The following NREP variants were observed in gnomAD, a reference collection of about 807,000 sequenced individuals.
NREP encodes neuronal regeneration-related protein.
Under a neutral mutation model 8.6 loss-of-function variants are expected in NREP, and 5 were observed. That is an observed-to-expected ratio of 0.58 (90% CI 0.30 to 1.22). The LOEUF (loss-of-function observed/expected upper bound fraction) is 1.22, where lower values mean the gene tolerates loss of function less well. Ranked by LOEUF, NREP falls within the 50% of genes most tolerant of loss-of-function variation. The pLI is 0.07. For missense variants in NREP, 86 were observed against 82.5 expected (o/e 1.04, Z -0.17); for synonymous variants, 27 against 28.0 (o/e 0.96, Z 0.11).
chr5:111,846,050 C>G (rs1299956976), intron 2 of NREP: 3 of 155,762 alleles, frequency 1.9e-5, no homozygotes, highest in Non-Finnish European at 2.8e-5. Flanking sequence ...GTCAATATCC[C>G]ACGATTTTCT....
At chr5:111,936,908 A>G (rs576123962) in intron 2 of NREP, among the ~76,000 whole-genome samples, 1 of 152,162 alleles carries the variant, frequency 6.6e-6, no homozygotes, top group Non-Finnish European at 1.5e-5. Context: ...GCAAGAACCG[A>G]ATTATTCTCA....
At chr5:111,794,641 TA>T (rs988458340) in intron 2 of NREP, among the ~76,000 whole-genome samples, 42 of 151,912 alleles carry the variant, frequency 2.8e-4, no homozygotes, top group Admixed American at 2.3e-3. Context: ...ATGGAAACAA[TA>T]AAAAAAATCA....
At chr5:111,883,786 A>G (rs1197170733) in intron 2 of NREP, among the ~76,000 whole-genome samples, 5 of 152,326 alleles carry the variant, frequency 3.3e-5, no homozygotes, top group African/African-American at 1.2e-4. Flanking sequence ...GAGAACAAAG[A>G]CACAACATAC....
In NREP at chr5:111,895,916, G is replaced by T. The variant is rs189967387; in HGVS notation, c.135+79358C>A. 2.0e-5 allele frequency among the ~76,000 whole-genome samples: 3 copies of T among 152,276 alleles called. No individual in the cohort carries two copies. The East Asian group carries it at 5.8e-4, about 29-fold the overall frequency. ...TCATGGCATAGGCAGCAGCCAATTG[G>T]AATGTATGCTGTCTGAAAACGATTG... On this transcript the variant is annotated intron_variant, in intron 2 of 3. Transcript: ENST00000395634.
chr5:111,766,594 AT>A (rs2112868463), intron 2 of NREP, among the ~76,000 whole-genome samples: 1 of 152,306 alleles, frequency 6.6e-6, no homozygotes, highest in African/African-American at 2.4e-5. Flanking sequence ...CTTCAGATGG[AT>A]ATCCAAAAAT....
chr5:111,866,465 T>A (rs1753666441), intron 2 of NREP, among the ~76,000 whole-genome samples: 1 of 152,182 alleles, frequency 6.6e-6, no homozygotes, highest in Admixed American at 6.5e-5. Context: ...TCACACCAGT[T>A]AGAATGCCGA....
At chr5:111,966,265 G>T (rs11241146) in intron 2 of NREP, among the ~76,000 whole-genome samples, 55,370 of 152,028 alleles carry the variant, frequency 0.36, 10,523 homozygotes, top group South Asian at 0.56. Context: ...TGCAGATTGT[G>T]AAAGACCAGA....
upstream of NREP, among the ~76,000 whole-genome samples, chr5:111,761,225 A>G (rs1003868018): frequency 2.0e-5 from 3 of 152,232 alleles, no homozygotes; most frequent in African/African-American, 7.2e-5. Flanking sequence ...AGACTGCTTT[A>G]TAGAACAAAA....
chr5:111,943,012 C>T, intron 2 of NREP, among the ~76,000 whole-genome samples: 1 of 151,778 alleles, frequency 6.6e-6, no homozygotes, highest in East Asian at 1.9e-4. Context: ...ATCCTCTCCC[C>T]TTTCTCCCCT....
chr5:111,874,883 T>C (rs2112502575), intron 2 of NREP, among the ~76,000 whole-genome samples: 1 of 152,336 alleles, frequency 6.6e-6, no homozygotes, highest in East Asian at 1.9e-4. Flanking sequence ...AACACAATGA[T>C]GTCCCTCTAC....
chr5:111,840,077 CAT>C (rs1752990364), intron 2 of NREP, among the ~76,000 whole-genome samples: 1 of 151,980 alleles, frequency 6.6e-6, no homozygotes, highest in African/African-American at 2.4e-5. Context: ...AGTATAATGA[CAT>C]AAGTTATTTA....
chr5:111,885,271 A>AT (rs1269305827), intron 2 of NREP, among the ~76,000 whole-genome samples: 7 of 151,620 alleles, frequency 4.6e-5, no homozygotes, highest in Non-Finnish European at 1.0e-4. Context: ...CTTACAAGGG[A>AT]TGTGAAGGAC....
rs758152700 is a variant in NREP at position 111,809,868 on chromosome 5, GGCGT to G, written c.136-74365_136-74362del. On this transcript the variant is annotated intron_variant, in intron 2 of 3. Coordinates refer to the NREP transcript ENST00000395634. The stretch of plus-strand genomic sequence containing the variant: ...TTACCACCTCATTGACTGGGACTTT[GGCGT>G]GTGTGTGTGTGTGTGTGTGTGTGTG... Among the ~76,000 whole-genome samples, 16 of 102,638 alleles carry G rather than the reference GGCGT, an allele frequency of 1.6e-4. No individual in the cohort carries two copies. The Admixed American group carries it at 1.7e-3, about 11-fold the overall frequency. 67.3% of individuals were successfully genotyped at this position (102,638 alleles called of 152,430 possible).
At chr5:111,963,213 C>T (rs561146508) in intron 2 of NREP, among the ~76,000 whole-genome samples, 1 of 152,348 alleles carries the variant, frequency 6.6e-6, no homozygotes, top group South Asian at 2.1e-4. Flanking sequence ...GAGCCTGCTC[C>T]TGCCAGCGCC....
intron 2 of NREP, among the ~76,000 whole-genome samples, chr5:111,778,273 G>A (rs1406117795): frequency 6.6e-6 from 1 of 152,084 alleles, no homozygotes; most frequent in Admixed American, 6.6e-5. Context: ...TGCTACAAGT[G>A]GTCTGAGATT....
chr5:111,867,150 A>C (rs995542197), intron 2 of NREP, among the ~76,000 whole-genome samples: 20 of 152,188 alleles, frequency 1.3e-4, no homozygotes, highest in African/African-American at 4.8e-4. Context: ...TAAAAAAAAA[A>C]AAAAGAAGGT....
chr5:111,827,761 T>A (rs1322969402), intron 2 of NREP, among the ~76,000 whole-genome samples: 2 of 151,978 alleles, frequency 1.3e-5, no homozygotes, highest in African/African-American at 4.8e-5. Flanking sequence ...AAGAATTGCT[T>A]GAACCTGGAA....
At chr5:111,919,869 G>GAGAGAGAAAGAAAGAA (rs1400988710) in intron 2 of NREP, among the ~76,000 whole-genome samples, 7 of 125,116 alleles carry the variant, frequency 5.6e-5, no homozygotes, top group East Asian at 2.7e-4. Context: ...CTTGAAGAGA[G>GAGAGAGAAAGAAAGAA]AGAAAGAAAG....
At chr5:111,826,385 G>C (rs1006190962) in intron 2 of NREP, among the ~76,000 whole-genome samples, 1 of 152,158 alleles carries the variant, frequency 6.6e-6, no homozygotes, top group East Asian at 1.9e-4. Context: ...TTGTTGTTTT[G>C]CTTTTGGCAA....
Sources: gnomAD v4.1 joint callset for allele counts (sites outside exome capture counted in the v4.1 genomes callset) on GRCh38, gnomAD v4.1.1 for gene constraint, MANE v1.5 for transcripts, NCBI Gene and HGNC (gene_info 2026-07-23, HGNC 2026-07-21) for gene names.